Variants in KY observed in about 807,000 individuals in gnomAD.
KY encodes kyphoscoliosis peptidase.
In KY, 43 loss-of-function variants were observed where a neutral mutation model predicts 76.1. The ratio of observed to expected loss-of-function variants is 0.57; its 90% CI spans 0.44 to 0.73. KY has a LOEUF of 0.73. KY is among the 30% of genes least tolerant of loss of function. KY has a pLI of 0.00. For synonymous variants in KY, 277 were observed against 326.2 expected, an observed-to-expected ratio of 0.85 and a Z score of 1.63; for missense variants, 722 against 828.9, an observed-to-expected ratio of 0.87 and a Z score of 1.58.
At chr3:134,649,765 G>T (rs1229741970) in intron 1 of KY, among the ~76,000 whole-genome samples, 1 of 152,220 alleles carries the variant, frequency 6.6e-6, no homozygotes, top group Non-Finnish European at 1.5e-5. Flanking sequence ...GCTGGTAGTG[G>T]CAAGGCCATC....
chr3:134,635,910 C>T (rs1311060107), intron 3 of KY, among the ~76,000 whole-genome samples: 2 of 152,192 alleles, frequency 1.3e-5, no homozygotes, highest in South Asian at 2.1e-4. Context: ...TTTTTCATAA[C>T]CTGCTTTCTT....
At chr3:134,642,170 C>G (rs769906616) in intron 3 of KY, among the ~76,000 whole-genome samples, 1 of 152,198 alleles carries the variant, frequency 6.6e-6, no homozygotes, top group Non-Finnish European at 1.5e-5. Flanking sequence ...GCTGGCCTTT[C>G]ATCACTACCT....
Position 134,601,797 on chromosome 3 carries a change from G to A in KY, c.*1782C>T, listed in dbSNP as rs1958979942. On this transcript the variant is annotated 3_prime_UTR_variant, in exon 11 of 11. Coordinates refer to ENST00000423778, the MANE Select transcript of KY (RefSeq NM_178554.6). Reference sequence around the variant, plus strand: ...TGGTTCTGGGCTAGGCCACCGTGCTGGGTGGCAGTGGGGACTTTTAGGGGA... The same window carrying A: ...TGGTTCTGGGCTAGGCCACCGTGCTAGGTGGCAGTGGGGACTTTTAGGGGA... Among the ~76,000 whole-genome samples the A allele has an allele frequency of 6.6e-6, 1 of 152,236 alleles. No individual in the cohort carries two copies. Among genetic ancestry groups the A allele is most frequent in the African/African-American group, 2.4e-5 (1 of 41,468 alleles).
At chr3:134,626,981 A>C (rs1560123480) in intron 5 of KY, among the ~76,000 whole-genome samples, 1 of 152,244 alleles carries the variant, frequency 6.6e-6, no homozygotes. Flanking sequence ...CACATCGAAC[A>C]GATTTCCACT....
intron 3 of KY, among the ~76,000 whole-genome samples, chr3:134,642,151 T>C (rs532470920): frequency 4.3e-4 from 65 of 152,168 alleles, no homozygotes; most frequent in Non-Finnish European, 8.2e-4. Flanking sequence ...ATGCTGGTAA[T>C]CCCAGTTGGC....
chr3:134,603,942 C>G lies in KY; in HGVS notation c.1623G>C (p.Lys541Asn), dbSNP rs1959080280. 6.2e-7 allele frequency: 1 copy of G among 1,614,038 alleles called. No individual in the cohort carries two copies. The highest frequency in any genetic ancestry group is 1.6e-4 in the Middle Eastern group (1 of 6,062). Residue 541 changes from lysine (K) to asparagine (N), a missense_variant, in exon 11 of 11, where the codon AAG (lysine) becomes AAC (asparagine). Transcript: ENST00000423778. Reference sequence around the variant, plus strand: ...AGATGTAGTTTCCTGGTTCCTGCCTCTTCTTGACAAAGATCTTGAGGGCAA... The same window carrying G: ...AGATGTAGTTTCCTGGTTCCTGCCTGTTCTTGACAAAGATCTTGAGGGCAA... ...GKFALKIFVK[K>N]RQEPGNYIFV...
chr3:134,640,297 G>A (rs1965583659), intron 3 of KY, among the ~76,000 whole-genome samples: 2 of 152,188 alleles, frequency 1.3e-5, no homozygotes, highest in African/African-American at 2.4e-5. Context: ...GTATGGGGGA[G>A]TAGTTAAGCC....
At chr3:134,650,450 G>A (rs373319390) in intron 1 of KY, among the ~76,000 whole-genome samples, 29 of 152,300 alleles carry the variant, frequency 1.9e-4, no homozygotes, top group African/African-American at 6.3e-4. Context: ...TGTGCTGTGG[G>A]GGGGAGCAGG....
At chr3:134,649,044 G>C (rs1051014279) in intron 1 of KY, among the ~76,000 whole-genome samples, 12 of 152,088 alleles carry the variant, frequency 7.9e-5, no homozygotes, top group African/African-American at 2.7e-4. Flanking sequence ...CTTTGCCTGG[G>C]GTCTCCTGAA....
rs764827291 is a variant in KY, at chr3:134,600,785, C to T, written c.*2794G>A. 4 of 152,314 alleles carry T rather than the reference C, an allele frequency of 2.6e-5. No homozygotes were observed. The highest frequency in any genetic ancestry group is 4.4e-5 in the Non-Finnish European group (3 of 68,122). 9.4% of individuals were successfully genotyped at this position (152,314 alleles called of 1,614,324 possible). ...GAAGTTATTTCCAGGCAAAACAGTC[C>T]CATCACATCCCTTGTCTTTTCAACA... On this transcript the variant is annotated 3_prime_UTR_variant, in exon 11 of 11. Transcript: ENST00000423778.
chr3:134,650,127 C>G (rs1388290361), intron 1 of KY, among the ~76,000 whole-genome samples: 2 of 152,200 alleles, frequency 1.3e-5, no homozygotes, highest in East Asian at 3.9e-4. Context: ...AGGCCCGGAT[C>G]CTGCTTTCCA....
In KY at chr3:134,620,329, G is replaced by A. The variant is rs374294799; in HGVS notation, c.592+420C>T. ...GGAGAACCCGCTTTTCCTGGCCCTG[G>A]TATTTAATGAACCCTCTGGTATTGC... On this transcript the variant is annotated intron_variant, in intron 7 of 10. Transcript: ENST00000423778. Among the ~76,000 whole-genome samples the A allele has an allele frequency of 7.4e-4, 112 of 152,316 alleles. 1 individual carries two copies. The South Asian group carries it at 0.022, about 30-fold the overall frequency.
Position 134,604,281 on chromosome 3 carries a change from C to T in KY, c.1284G>A (p.Val428=), listed in dbSNP as rs1167894756. 1 of 1,614,010 alleles carries T rather than the reference C, an allele frequency of 6.2e-7. No homozygotes were observed. Among genetic ancestry groups the T allele is most frequent in the South Asian group, 1.1e-5 (1 of 91,074 alleles). The change falls in exon 11 of 11, where the codon GTG becomes GTA. Residue 428 remains valine, a synonymous_variant. Coordinates refer to ENST00000423778, the MANE Select transcript of KY (RefSeq NM_178554.6). ...AKGNSDIYSS[V]LEYTLKCNYV... ...AATTGCACTTGAGCGTGTACTCCAG[C>T]ACTGAGCTGTAGATGTCGGAGTTGC...
Position 134,603,699 on chromosome 3 carries a change from C to T in KY, c.1866G>A (p.Glu622=), listed in dbSNP as rs1959068897. ...QDTWPLTLNH[E]GYWEGSCSTA... ...TGCTGCAGCTTCCCTCCCAGTAGCC[C>T]TCGTGGTTCAGGGTCAGGGGCCATG... The change falls in exon 11 of 11, where the codon GAG becomes GAA. Residue 622 remains glutamate (E), a synonymous_variant. Transcript: ENST00000423778. 6.2e-7 allele frequency: 1 copy of T among 1,613,812 alleles called. No individual in the cohort carries two copies.
Position 134,650,875 on chromosome 3 carries a change from G to T in KY, c.86C>A (p.Thr29Lys), listed in dbSNP as rs1295691500. 1 of 1,612,666 alleles carries T rather than the reference G, an allele frequency of 6.2e-7. No individual in the cohort carries two copies. ...CGGGTTCGCCTGCTGGTCTGAGAGC[G>T]TACCCTGTGCGGCGCGCCGCTTCTC... ...HSEKRRAAQG[T>K]LSDQQANPSS... Residue 29 changes from threonine to lysine, a missense_variant, in exon 1 of 11, where the codon ACG (threonine) becomes AAG (lysine). Transcript: ENST00000423778.
At position 134,600,385 on chromosome 3, in the gene KY, C is replaced by T. The variant is rs959362816; in HGVS notation, c.*3194G>A. On this transcript the variant is annotated 3_prime_UTR_variant, in exon 11 of 11. Coordinates refer to ENST00000423778, the MANE Select transcript of KY (RefSeq NM_178554.6). ...CAGGAAATAGTTCTTTATGTCTAGCCGAAATCCTTCATGCTTCAGTTAGTC... is the reference window on the plus strand; with the variant it reads ...CAGGAAATAGTTCTTTATGTCTAGCTGAAATCCTTCATGCTTCAGTTAGTC... 1.3e-5 allele frequency among the ~76,000 whole-genome samples: 2 copies of T among 152,170 alleles called. No homozygotes were observed. Among genetic ancestry groups the T allele is most frequent in the African/African-American group, 2.4e-5 (1 of 41,430 alleles).
At chr3:134,649,898 G>C (rs368466042) in intron 1 of KY, among the ~76,000 whole-genome samples, 1 of 152,214 alleles carries the variant, frequency 6.6e-6, no homozygotes, top group African/African-American at 2.4e-5. Flanking sequence ...CAGAGCTGGA[G>C]GGGAGGAGAG....
At chr3:134,644,220 A>G (rs924812463) in intron 2 of KY, among the ~76,000 whole-genome samples, 1 of 152,164 alleles carries the variant, frequency 6.6e-6, no homozygotes, top group Non-Finnish European at 1.5e-5. Context: ...TCTGTTTCAC[A>G]AACATTTGCA....
At chr3:134,606,320 G>A (rs1959199205) in intron 10 of KY, among the ~76,000 whole-genome samples, 1 of 152,138 alleles carries the variant, frequency 6.6e-6, no homozygotes, top group African/African-American at 2.4e-5. Flanking sequence ...GAGCCCTCAA[G>A]CTGGAGACCC....
Sources: gnomAD v4.1 joint callset for allele counts (sites outside exome capture counted in the v4.1 genomes callset) on GRCh38, gnomAD v4.1.1 for gene constraint, MANE v1.5 for transcripts, NCBI Gene and HGNC (gene_info 2026-07-23, HGNC 2026-07-21) for gene names.